Variants in UFD1 observed in about 807,000 individuals in gnomAD.
UFD1 encodes ubiquitin recognition factor in ER associated degradation 1, also known as ubiquitin recognition factor in ER-associated degradation protein 1.
Under a neutral mutation model 45.9 loss-of-function variants are expected in UFD1, and 13 were observed. The ratio of observed to expected loss-of-function variants is 0.28; its 90% CI spans 0.18 to 0.45. The LOEUF is 0.45. UFD1 is among the 20% of genes least tolerant of loss of function. The pLI, the probability that UFD1 is intolerant of heterozygous loss-of-function variation, is 1.00. For missense variants in UFD1, 218 were observed against 389.2 expected (o/e 0.56, Z 3.70); for synonymous variants, 128 against 139.2 (o/e 0.92, Z 0.56).
intron 11 of UFD1, 196 bp from the exon 12 acceptor site, chr22:19,450,940 A>G: frequency 6.9e-6 from 9 of 1,300,348 alleles, no homozygotes; most frequent in Non-Finnish European, 9.0e-6. Flanking sequence ...GTTCAAGACC[A>G]GCCTGGGCAA....
chr22:19,451,386 G>C, intron 11 of UFD1: 1 of 985,306 alleles, frequency 1.0e-6, no homozygotes, highest in Non-Finnish European at 1.2e-6. Flanking sequence ...TTTTTTTAGA[G>C]CTCAAATTCC....
chr22:19,470,895 T>G, intron 4 of UFD1: 1 of 451,420 alleles, frequency 2.2e-6, no homozygotes, highest in South Asian at 1.6e-5. Flanking sequence ...CCTGAGAGTT[T>G]CCAGCCCACA....
chr22:19,475,742 A>G, intron 1 of UFD1, 140 bp from the exon 2 acceptor site: 1 of 1,107,146 alleles, frequency 9.0e-7, no homozygotes, highest in Middle Eastern at 2.0e-4. Context: ...TAATCTTACT[A>G]AATACAAAAC....
chr22:19,455,631 C>G, intron 10 of UFD1, 49 bp downstream of exon 10: 1 of 1,589,718 alleles, frequency 6.3e-7, no homozygotes, highest in Non-Finnish European at 8.6e-7. Flanking sequence ...CCCCAGCGGG[C>G]TGGCACAGAT....
chr22:19,470,949 C>A (rs1295016401), intron 4 of UFD1, among the ~76,000 whole-genome samples: 2 of 152,162 alleles, frequency 1.3e-5, no homozygotes, highest in Non-Finnish European at 2.9e-5. Flanking sequence ...AATCCAAGCA[C>A]AAAGAGAAGG....
rs2089669118 is a variant in UFD1, at chr22:19,450,136, A to C, written c.*534T>G. 1 of 152,650 alleles carries C rather than the reference A, an allele frequency of 6.6e-6. No individual in the cohort carries two copies. The allele number at this position is 152,650 out of a possible 1,614,324, so 9.5% of individuals were successfully genotyped here. On this transcript the variant is annotated 3_prime_UTR_variant, in exon 12 of 12. Coordinates refer to ENST00000263202, the MANE Select transcript of UFD1 (RefSeq NM_005659.7). The stretch of plus-strand genomic sequence containing the variant: ...TTCTTCTGAGTGGTGTTTTTGAAAA[A>C]AATATGTAAAATAAAAATAGAAACA...
intron 4 of UFD1, chr22:19,471,329 GA>G (rs747360998): frequency 1.8e-6 from 1 of 552,380 alleles, no homozygotes; most frequent in Non-Finnish European, 3.5e-6. Context: ...AAAAGTAGGG[GA>G]AAAGCATAAA....
intron 9 of UFD1, chr22:19,456,374 G>T: frequency 1.6e-6 from 1 of 621,498 alleles, no homozygotes; most frequent in Non-Finnish European, 2.8e-6. Context: ...AAAAATCTGG[G>T]CTGCCTTATG....
intron 11 of UFD1, chr22:19,452,055 A>G (rs982207681): frequency 1.1e-5 from 6 of 569,194 alleles, no homozygotes; most frequent in Non-Finnish European, 1.3e-5. Context: ...TTCTAATCTC[A>G]TATTTCATTG....
chr22:19,460,673 G>A (rs1569328209), intron 6 of UFD1, among the ~76,000 whole-genome samples: 2 of 151,528 alleles, frequency 1.3e-5, no homozygotes, highest in Non-Finnish European at 2.9e-5. Context: ...GTGTGTGGAG[G>A]TTATGACAAT....
intron 3 of UFD1, among the ~76,000 whole-genome samples, chr22:19,474,176 G>C (rs1179233638): frequency 6.6e-6 from 1 of 152,164 alleles, no homozygotes; most frequent in Non-Finnish European, 1.5e-5. Context: ...CCCAGCAAGA[G>C]GAGTGGCTTC....
chr22:19,467,291 A>C (rs2089810068), intron 5 of UFD1: 1 of 152,322 alleles, frequency 6.6e-6, no homozygotes, highest in Non-Finnish European at 1.5e-5. Flanking sequence ...ATTGGTGCAC[A>C]CAGCACCGTC....
intron 10 of UFD1, 143 bp from the exon 11 acceptor site, chr22:19,454,973 G>C (rs2089711966): frequency 1.0e-6 from 1 of 953,206 alleles, no homozygotes; most frequent in East Asian, 2.7e-5. Context: ...CCTCCCAGGA[G>C]GGAAGCAGAA....
chr22:19,451,666 C>G, intron 11 of UFD1: 1 of 985,486 alleles, frequency 1.0e-6, no homozygotes. Context: ...CATGTTATAC[C>G]TGCAATAGAG....
Position 19,479,162 on chromosome 22 carries a change from C to T in UFD1, c.-77G>A, listed in dbSNP as rs983573290. The stretch of plus-strand genomic sequence containing the variant: ...ACCCCGCCGACCGCTCTCCCAGCCG[C>T]CGCTGCCGCTGCCGCCGCGCCAAGC... On this transcript the variant is annotated 5_prime_UTR_variant, in exon 1 of 12. Transcript: ENST00000263202. The T allele has an allele frequency of 6.4e-7, 1 of 1,569,214 alleles. No individual in the cohort carries two copies. Among genetic ancestry groups the T allele is most frequent in the Non-Finnish European group, 8.6e-7 (1 of 1,159,468 alleles).
At chr22:19,453,283 T>G in intron 11 of UFD1, 1 of 985,512 alleles carries the variant, frequency 1.0e-6, no homozygotes, top group Non-Finnish European at 1.2e-6. Context: ...ACCTGGGGCT[T>G]CCAAAGCCTT....
Position 19,459,705 on chromosome 22 carries a change from G to A in UFD1, c.496-1566C>T, listed in dbSNP as rs112946530. Among the ~76,000 whole-genome samples, 322 of 146,940 alleles carry A rather than the reference G, an allele frequency of 2.2e-3. 3 individuals are homozygous for A. The highest frequency in any genetic ancestry group is 0.012 in the East Asian group (59 of 5,040). On this transcript the variant is annotated intron_variant, in intron 6 of 11. Coordinates refer to ENST00000263202, the MANE Select transcript of UFD1 (RefSeq NM_005659.7). ...TCTACTTTTTCCTGCATCATTTCAG[G>A]TTCTTTGCTTTTATCTAAAGTCTGT...
Position 19,453,922 on chromosome 22 carries a change from C to G in UFD1, c.849+827G>C, listed in dbSNP as rs980240778. ...AACCAGGAGAGCGATGGGTCTGAAG[C>G]GCTGGTGTTGTAGAAATCCTCATCA... On this transcript the variant is annotated intron_variant, in intron 11 of 11. Transcript: ENST00000263202. The G allele has an allele frequency of 9.1e-6, 9 of 985,426 alleles. No individual in the cohort carries two copies. The South Asian group carries it at 3.8e-4, about 41-fold the overall frequency. The allele number at this position is 985,426 out of a possible 1,614,324, so 61.0% of individuals were successfully genotyped here.
intron 6 of UFD1, among the ~76,000 whole-genome samples, chr22:19,462,900 T>C (rs2089777528): frequency 6.6e-6 from 1 of 152,242 alleles, no homozygotes; most frequent in Non-Finnish European, 1.5e-5. Context: ...CTCTCAGATT[T>C]GGTTCATCTG....
Sources: allele counts gnomAD v4.1 joint callset (sites outside exome capture counted in the v4.1 genomes callset), GRCh38; gene constraint gnomAD v4.1.1; transcripts MANE v1.5; gene names NCBI Gene and HGNC (gene_info 2026-07-23, HGNC 2026-07-21).